Variants in NBEAL1 observed in about 807,000 individuals in gnomAD.
The protein encoded by NBEAL1 is neurobeachin like 1, also known as neurobeachin-like protein 1.
NBEAL1 carries 273 observed loss-of-function variants against 351.3 expected under a neutral mutation model. That is an observed-to-expected ratio of 0.78 (90% CI 0.70 to 0.86). The LOEUF (loss-of-function observed/expected upper bound fraction) is 0.86. NBEAL1 is among the 40% of genes least tolerant of loss of function. NBEAL1 has a pLI of 0.00. For synonymous variants in NBEAL1, 1,050 were observed against 1,086.4 expected (o/e 0.97, Z 0.66); for missense variants, 2,961 against 3,201.3 (o/e 0.92, Z 1.81).
chr2:203,142,856 G>C (rs1258537854), intron 31 of NBEAL1, among the ~76,000 whole-genome samples: 1 of 152,114 alleles, frequency 6.6e-6, no homozygotes, highest in South Asian at 2.1e-4. Flanking sequence ...GGTGGGAAGA[G>C]GGATGGGTTG....
At chr2:203,082,002 G>T (rs1232106172) in intron 8 of NBEAL1, among the ~76,000 whole-genome samples, 1 of 152,140 alleles carries the variant, frequency 6.6e-6, no homozygotes, top group Non-Finnish European at 1.5e-5. Context: ...TACTCAGGAG[G>T]CCAAAGCCTG....
chr2:203,119,399 G>T (rs939420322), intron 18 of NBEAL1, among the ~76,000 whole-genome samples: 6 of 138,106 alleles, frequency 4.3e-5, no homozygotes, highest in Non-Finnish European at 9.3e-5. Flanking sequence ...GATTACAGGC[G>T]TGAGCCACTG....
At chr2:203,182,306 C>T (rs143273475) in intron 43 of NBEAL1, 4 of 152,286 alleles carry the variant, frequency 2.6e-5, no homozygotes, top group African/African-American at 7.2e-5. Context: ...AAATGCCTAA[C>T]GCAGTTTTAG....
rs143026961 is a variant in NBEAL1 at position 203,048,266 on chromosome 2, C to T, written c.144-1548C>T. On this transcript the variant is annotated intron_variant, in intron 3 of 55. Coordinates refer to ENST00000683969, the MANE Select transcript of NBEAL1 (RefSeq NM_001378026.1). ...GTGTGGTGGCACGTGCCTGTAATCC[C>T]AGCTACTCGGGAGCCTGAGGCATGA... Among the ~76,000 whole-genome samples, 757 of 151,610 alleles carry T rather than the reference C, an allele frequency of 5.0e-3. 4 individuals are homozygous for T. The highest frequency in any genetic ancestry group is 0.017 in the African/African-American group (699 of 41,324).
At chr2:203,070,492 T>C (rs538489095) in intron 7 of NBEAL1, among the ~76,000 whole-genome samples, 1 of 151,930 alleles carries the variant, frequency 6.6e-6, no homozygotes, top group South Asian at 2.1e-4. Flanking sequence ...GCCTCCTGAG[T>C]AGCTGGGACT....
rs1384816358 is a variant in NBEAL1 at position 203,224,678 on chromosome 2, T to C, written c.*7324T>C. ...AATATTGAAGGAATTCAGAAAGTTG[T>C]GTATTTATCTTAAAATGTTCCTTCT... On this transcript the variant is annotated 3_prime_UTR_variant, in exon 56 of 56. Coordinates refer to ENST00000683969, the MANE Select transcript of NBEAL1 (RefSeq NM_001378026.1). Among the ~76,000 whole-genome samples the C allele has an allele frequency of 1.3e-5, 2 of 152,192 alleles. No homozygotes were observed. The highest frequency in any genetic ancestry group is 2.9e-5 in the Non-Finnish European group (2 of 68,000).
At position 203,112,079 on chromosome 2, in the gene NBEAL1, G is replaced by A. The variant is rs1249581941; in HGVS notation, c.2183G>A (p.Arg728Lys). 6.4e-7 allele frequency: 1 copy of A among 1,551,958 alleles called. No individual in the cohort carries two copies. Among genetic ancestry groups the A allele is most frequent in the Non-Finnish European group, 8.7e-7 (1 of 1,147,052 alleles). ...NGQQKVSAPLRFPAMNEPFTS... is the reference protein window; with the variant it reads ...NGQQKVSAPLKFPAMNEPFTS... ...CAACAGAAGGTTTCTGCCCCTCTCA[G>A]ATTTCCTGCCATGAATGAAGTAAGT... The change falls in exon 16 of 56, where the codon AGA becomes AAA. Residue 728 changes from arginine to lysine, a missense_variant. Coordinates refer to ENST00000683969, the MANE Select transcript of NBEAL1 (RefSeq NM_001378026.1).
At chr2:203,097,072 C>T (rs188774417) in intron 10 of NBEAL1, among the ~76,000 whole-genome samples, 142 of 152,222 alleles carry the variant, frequency 9.3e-4, no homozygotes, top group African/African-American at 3.4e-3. Context: ...TCTCACATGG[C>T]GTCAGACAAG....
intron 36 of NBEAL1, among the ~76,000 whole-genome samples, chr2:203,162,564 A>G (rs886716628): frequency 3.3e-5 from 5 of 151,408 alleles, no homozygotes; most frequent in Non-Finnish European, 5.9e-5. Flanking sequence ...ACAACATGGC[A>G]AAATTCCATC....
chr2:203,142,241 C>T (rs997191488), intron 31 of NBEAL1, among the ~76,000 whole-genome samples: 9 of 152,136 alleles, frequency 5.9e-5, no homozygotes, highest in African/African-American at 1.7e-4. Flanking sequence ...CTGCAACCTC[C>T]GCCTCCTGGG....
At chr2:203,125,927 A>G (rs1259117706) in intron 20 of NBEAL1, 33 bp from the exon 21 acceptor site, 9 of 1,469,518 alleles carry the variant, frequency 6.1e-6, no homozygotes, top group Non-Finnish European at 8.1e-6. Context: ...GATTAGAGAA[A>G]TTATGATAAT....
rs1321156358 is a variant in NBEAL1, at chr2:203,133,158, CTT to C, written c.3813+13_3813+14del. 1 of 1,282,648 alleles carries C rather than the reference CTT, an allele frequency of 7.8e-7. No homozygotes were observed. The highest frequency in any genetic ancestry group is 1.1e-6 in the Non-Finnish European group (1 of 927,220). 79.5% of individuals were successfully genotyped at this position (1,282,648 alleles called of 1,614,324 possible). A position where few individuals can be genotyped will look rare whatever the true frequency, so the allele number is the denominator to read the frequency against. ...CCATCTGCAGAAAGGTCAGTAAACTCTTAAGATATATTTTAATGATAGCAGCA... is the reference window on the plus strand; with the variant it reads ...CCATCTGCAGAAAGGTCAGTAAACTCAAGATATATTTTAATGATAGCAGCA... On this transcript the variant is annotated intron_variant, in intron 27 of 55. Transcript: ENST00000683969.
intron 41 of NBEAL1, among the ~76,000 whole-genome samples, chr2:203,173,645 A>G (rs576404193): frequency 2.0e-5 from 3 of 152,236 alleles, no homozygotes; most frequent in South Asian, 4.1e-4. Flanking sequence ...TATGTATACC[A>G]TCACTGCCAT....
Position 203,172,745 on chromosome 2 carries a change from A to C in NBEAL1, c.6215A>C (p.Gln2072Pro). ...CTCTTTTAGTTTCCCTGGATTTTAC[A>C]AGATTATACTTCGGAAGAGTTGGAC... ...AQYPVFPWIL[Q>P]DYTSEELDLN... Residue 2072 changes from glutamine (Q) to proline (P), a missense_variant, in exon 41 of 56, where the codon CAA becomes CCA. Gln to Pro is a moderately conservative substitution (Grantham distance 76). Coordinates refer to ENST00000683969, the MANE Select transcript of NBEAL1 (RefSeq NM_001378026.1). 1 of 1,608,408 alleles carries C rather than the reference A, an allele frequency of 6.2e-7. No individual in the cohort carries two copies. Among genetic ancestry groups the C allele is most frequent in the Non-Finnish European group, 8.5e-7 (1 of 1,177,610 alleles).
chr2:203,190,249 AT>A (rs767995601), intron 45 of NBEAL1, 42 bp from the exon 46 acceptor site: 15 of 1,377,632 alleles, frequency 1.1e-5, no homozygotes, highest in Non-Finnish European at 1.4e-5. Flanking sequence ...TGGCTTGCTG[AT>A]TTGTTTTCAC....
At chr2:203,179,695 A>G (rs1575092183) in intron 42 of NBEAL1, among the ~76,000 whole-genome samples, 2 of 152,304 alleles carry the variant, frequency 1.3e-5, no homozygotes, top group East Asian at 1.9e-4. Context: ...GTATATTGAT[A>G]CTATAATGTT....
At chr2:203,158,287 G>C (rs2063850886) in intron 36 of NBEAL1, among the ~76,000 whole-genome samples, 1 of 152,036 alleles carries the variant, frequency 6.6e-6, no homozygotes, top group Non-Finnish European at 1.5e-5. Flanking sequence ...TTAAAAGAAA[G>C]ACAACATAAT....
chr2:203,111,897 A>G (rs2062581304), intron 15 of NBEAL1, 82 bp from the exon 16 acceptor site: 2 of 1,409,828 alleles, frequency 1.4e-6, no homozygotes, highest in Non-Finnish European at 1.9e-6. Flanking sequence ...TGTACAAATT[A>G]TAGAGCAAAC....
rs1215150901 is a variant in NBEAL1, at chr2:203,056,554, G to C, written c.387+46G>C. ...TTTGTCACTTTACTGAGAACAACTA[G>C]GTTTTACTTTTTGTTTGTTTGTTTG... On this transcript the variant is annotated intron_variant, in intron 5 of 55. Transcript: ENST00000683969. 2.8e-6 allele frequency: 3 copies of C among 1,065,158 alleles called. No homozygotes were observed. In the South Asian group the frequency reaches 4.1e-5, roughly 15 times the overall value. The allele number at this position is 1,065,158 out of a possible 1,614,324, so 66.0% of individuals were successfully genotyped here.
Sources: gnomAD v4.1 joint callset for allele counts (sites outside exome capture counted in the v4.1 genomes callset) on GRCh38, gnomAD v4.1.1 for gene constraint, MANE v1.5 for transcripts, NCBI Gene and HGNC (gene_info 2026-07-23, HGNC 2026-07-21) for gene names.